Variants in SLC18A2 observed in about 807,000 individuals in gnomAD.
SLC18A2 encodes the protein synaptic vesicular amine transporter.
Under a neutral mutation model 59.2 loss-of-function variants are expected in SLC18A2, and 33 were observed. The ratio of observed to expected loss-of-function variants is 0.56; its 90% CI spans 0.42 to 0.75. The LOEUF is 0.75. SLC18A2 is among the 30% of genes least tolerant of loss of function. The probability of loss-of-function intolerance (pLI) is 0.00; values close to 1 mark genes in which losing one functional copy is unlikely to be tolerated. For missense variants in SLC18A2, 569 were observed against 668.6 expected, an observed-to-expected ratio of 0.85 and a Z score of 1.64; for synonymous variants, 228 against 253.5, an observed-to-expected ratio of 0.90 and a Z score of 0.95.
intron 15 of SLC18A2, among the ~76,000 whole-genome samples, chr10:117,274,741 G>T (rs571889228): frequency 6.6e-6 from 1 of 152,056 alleles, no homozygotes; most frequent in Admixed American, 6.5e-5. Flanking sequence ...CTCAACTCCC[G>T]CCTCTATAGG....
rs1310931145 is a variant in SLC18A2 at position 117,270,156 on chromosome 10, T to C, written c.1272T>C (p.Ile424=). Residue 424 remains isoleucine (I), a synonymous_variant, in exon 14 of 16, where the codon ATT becomes ATC. Coordinates refer to ENST00000644641, the MANE Select transcript of SLC18A2 (RefSeq NM_003054.6). ...CCGTCTATGGGAGTGTGTACGCCAT[T>C]GCGGATGTGGCATTTTGTATGGGGT... The part of the protein sequence containing the change: ...HVSVYGSVYA[I]ADVAFCMGYA... 4.3e-6 allele frequency: 7 copies of C among 1,614,270 alleles called. No individual in the cohort carries two copies. The highest frequency in any genetic ancestry group is 2.2e-5 in the South Asian group (2 of 91,086).
At chr10:117,248,002 C>G (rs1023713573) in intron 3 of SLC18A2, among the ~76,000 whole-genome samples, 1 of 152,120 alleles carries the variant, frequency 6.6e-6, no homozygotes, top group Non-Finnish European at 1.5e-5. Context: ...CAGGGTCTTG[C>G]TCTATTGCCC....
chr10:117,241,979 A>G (rs1465105354), intron 2 of SLC18A2, 165 bp downstream of exon 2: 3 of 614,900 alleles, frequency 4.9e-6, no homozygotes, highest in East Asian at 3.4e-5. Flanking sequence ...CGCCGGGGCT[A>G]GGAGGAGCCG....
intron 10 of SLC18A2, 106 bp downstream of exon 10, chr10:117,257,998 AT>A (rs1844249600): frequency 1.4e-6 from 1 of 692,368 alleles, no homozygotes; most frequent in Non-Finnish European, 2.4e-6. Flanking sequence ...TGATAAAGTG[AT>A]TGCTTCTGTT....
chr10:117,244,056 C>T lies in SLC18A2; in HGVS notation c.207C>T (p.Ala69=), dbSNP rs757987361. ...EIQTARPVHT[A]SISDSFQSIF... ...AGACGGCCAGGCCAGTGCACACTGC[C>T]TCCATCTCAGACAGCTTCCAGAGCA... Residue 69 remains alanine, a synonymous_variant, in exon 3 of 16, where the codon GCC becomes GCT. Coordinates refer to ENST00000644641, the MANE Select transcript of SLC18A2 (RefSeq NM_003054.6). 3 of 1,614,188 alleles carry T rather than the reference C, an allele frequency of 1.9e-6. No homozygotes were observed. Among genetic ancestry groups the T allele is most frequent in the Non-Finnish European group, 2.5e-6 (3 of 1,180,042 alleles).
chr10:117,262,025 A>G (rs1472133782), intron 10 of SLC18A2, among the ~76,000 whole-genome samples: 3 of 152,146 alleles, frequency 2.0e-5, no homozygotes, highest in Non-Finnish European at 4.4e-5. Context: ...CTCCTGCCTC[A>G]GCCTCCTGAG....
chr10:117,277,313 T>C lies in SLC18A2; in HGVS notation c.*47T>C, dbSNP rs958187084. 12 of 1,202,920 alleles carry C rather than the reference T, an allele frequency of 1.0e-5. No individual in the cohort carries two copies. Among genetic ancestry groups the C allele is most frequent in the Non-Finnish European group, 1.5e-5 (12 of 824,052 alleles). The allele number at this position is 1,202,920 out of a possible 1,614,324, so 74.5% of individuals were successfully genotyped here. ...CAAAGTGTTTAATTGTATAAAACAG[T>C]GTTTCCAGTGACACAACTCATCCAG... On this transcript the variant is annotated 3_prime_UTR_variant, in exon 16 of 16. Transcript: ENST00000644641.
In SLC18A2 at chr10:117,266,834, C is replaced by T. The variant is rs762384543; in HGVS notation, c.1070+23C>T. ...GAGGTAAGATGATATGAAAACAACA[C>T]TCATTCTGTTACAATAATGTAGTTC... On this transcript the variant is annotated intron_variant, in intron 11 of 15. Coordinates refer to ENST00000644641, the MANE Select transcript of SLC18A2 (RefSeq NM_003054.6). 9.4e-6 allele frequency: 15 copies of T among 1,593,632 alleles called. No homozygotes were observed. The Admixed American group carries it at 2.3e-4, about 25-fold the overall frequency.
rs767357071 is a variant in SLC18A2 at position 117,267,664 on chromosome 10, C to G, written c.1123-9C>G. 6.4e-7 allele frequency: 1 copy of G among 1,556,090 alleles called. No homozygotes were observed. The highest frequency in any genetic ancestry group is 1.2e-5 in the South Asian group (1 of 86,114). ...GTTATTTTAGCATAATGTTTATTTC[C>G]TCTTACAGATTCCATTTGCAAAAAA... On this transcript the variant is annotated splice_polypyrimidine_tract_variant and intron_variant, in intron 12 of 15. Coordinates refer to ENST00000644641, the MANE Select transcript of SLC18A2 (RefSeq NM_003054.6).
At chr10:117,276,953 A>G (rs1036263346) in intron 15 of SLC18A2, among the ~76,000 whole-genome samples, 1 of 152,188 alleles carries the variant, frequency 6.6e-6, no homozygotes, top group Non-Finnish European at 1.5e-5. Context: ...TACTGCAGAG[A>G]CCACTTCTGT....
intron 2 of SLC18A2, 169 bp downstream of exon 2, chr10:117,241,983 G>A: frequency 1.7e-6 from 1 of 592,994 alleles, no homozygotes. Flanking sequence ...GGGGCTAGGA[G>A]GAGCCGCGTT....
chr10:117,264,064 C>T (rs1844322453), intron 10 of SLC18A2, among the ~76,000 whole-genome samples: 1 of 152,238 alleles, frequency 6.6e-6, no homozygotes, highest in Non-Finnish European at 1.5e-5. Flanking sequence ...GCTTCCGGGG[C>T]TGGATGGCCA....
intron 1 of SLC18A2, 55 bp from the exon 2 acceptor site, chr10:117,241,624 G>C: frequency 6.7e-7 from 1 of 1,483,684 alleles, no homozygotes; most frequent in Non-Finnish European, 8.9e-7. Context: ...CTGGGGGACG[G>C]GAGAATGGGG....
At chr10:117,266,220 T>TG (rs1844347336) in intron 10 of SLC18A2, among the ~76,000 whole-genome samples, 1 of 152,180 alleles carries the variant, frequency 6.6e-6, no homozygotes, top group African/African-American at 2.4e-5. Flanking sequence ...CCCTTTTTTT[T>TG]GTAAATCAAA....
At chr10:117,276,644 A>AAGAC (rs1554953558) in intron 15 of SLC18A2, among the ~76,000 whole-genome samples, 37 of 132,762 alleles carry the variant, frequency 2.8e-4, no homozygotes, top group East Asian at 6.4e-4. Context: ...GAAAGAAAGA[A>AAGAC]AGAAAGAAAA....
At position 117,279,202 on chromosome 10, in the gene SLC18A2, T is replaced by C. The variant is rs1338030970; in HGVS notation, c.*1936T>C. 1 of 152,228 alleles carries C rather than the reference T, an allele frequency of 6.6e-6. No individual in the cohort carries two copies. The highest frequency in any genetic ancestry group is 1.5e-5 in the Non-Finnish European group (1 of 68,040). The allele number at this position is 152,228 out of a possible 1,614,324, so 9.4% of individuals were successfully genotyped here. ...AAGTTCTTTTATATGACTAATATTC[T>C]TGGTTAGCAAGACTGGAAAGAGGTG... is the stretch of plus-strand genomic sequence containing the variant. On this transcript the variant is annotated 3_prime_UTR_variant, in exon 16 of 16. Transcript: ENST00000644641.
At chr10:117,270,278 C>T (rs1844410515) in intron 14 of SLC18A2, 52 bp from the exon 15 acceptor site, 6 of 1,613,010 alleles carry the variant, frequency 3.7e-6, no homozygotes, top group Non-Finnish European at 4.2e-6. Context: ...TTGCATCTTT[C>T]AGTCTACAAG....
chr10:117,251,347 G>T (rs571586877), intron 3 of SLC18A2, among the ~76,000 whole-genome samples: 1 of 152,112 alleles, frequency 6.6e-6, no homozygotes, highest in Admixed American at 6.5e-5. Context: ...CTGCAGTGCC[G>T]TGTGAGCCCC....
intron 3 of SLC18A2, among the ~76,000 whole-genome samples, chr10:117,252,301 A>T (rs2133731703): frequency 6.6e-6 from 1 of 151,830 alleles, no homozygotes; most frequent in South Asian, 2.1e-4. Flanking sequence ...ATTTTTTATT[A>T]AAGCCTGGAA....
Sources: gnomAD v4.1 joint callset for allele counts (sites outside exome capture counted in the v4.1 genomes callset) on GRCh38, gnomAD v4.1.1 for gene constraint, MANE v1.5 for transcripts, NCBI Gene and HGNC (gene_info 2026-07-23, HGNC 2026-07-21) for gene names.